DMRT1: variants seen among roughly 807,000 people sequenced by gnomAD.
DMRT1 encodes doublesex and mab-3 related transcription factor 1, also known as doublesex- and mab-3-related transcription factor 1.
A neutral mutation model predicts 32.3 loss-of-function variants in DMRT1; 7 were observed. The ratio of observed to expected loss-of-function variants is 0.22; its 90% CI spans 0.12 to 0.41. DMRT1 has a LOEUF of 0.41. Ranked by LOEUF, DMRT1 falls within the 10% of genes least tolerant of loss-of-function variation. The probability of loss-of-function intolerance (pLI) is 1.00; values close to 1 mark genes in which losing one functional copy is unlikely to be tolerated. For synonymous variants in DMRT1, 278 were observed against 206.1 expected (o/e 1.35, Z -2.99); for missense variants, 625 against 500.5 (o/e 1.25, Z -2.37).
chr9:865,455 T>A lies in DMRT1; in HGVS notation c.538+18312T>A, dbSNP rs183005671. On this transcript the variant is annotated intron_variant, in intron 2 of 4. Transcript: ENST00000382276. Reference sequence around the variant, plus strand: ...TGTATGGTACTTAATTTTTCATAAATATATATGATATATATGAAATATAAG... The same window carrying A: ...TGTATGGTACTTAATTTTTCATAAAAATATATGATATATATGAAATATAAG... Among the ~76,000 whole-genome samples the A allele has an allele frequency of 4.8e-4, 73 of 152,086 alleles. 1 individual carries two copies. The East Asian group carries it at 0.013, about 28-fold the overall frequency.
chr9:851,515 G>T (rs909810323), intron 2 of DMRT1, among the ~76,000 whole-genome samples: 1 of 152,164 alleles, frequency 6.6e-6, no homozygotes, highest in Admixed American at 6.6e-5. Flanking sequence ...TGGGATTACA[G>T]GCGTGAGCCA....
chr9:900,869 T>C (rs1817546579), intron 3 of DMRT1, among the ~76,000 whole-genome samples: 1 of 151,780 alleles, frequency 6.6e-6, no homozygotes, highest in Non-Finnish European at 1.5e-5. Context: ...AAAAAACTTT[T>C]TTTGTAGAGA....
chr9:869,638 G>C (rs941811845), intron 2 of DMRT1, among the ~76,000 whole-genome samples: 2 of 151,934 alleles, frequency 1.3e-5, no homozygotes, highest in South Asian at 4.2e-4. Context: ...TGTTCTCTTT[G>C]ATCTTTTATA....
chr9:860,168 A>T (rs1490036133), intron 2 of DMRT1, among the ~76,000 whole-genome samples: 2 of 152,094 alleles, frequency 1.3e-5, no homozygotes, highest in African/African-American at 4.8e-5. Flanking sequence ...GTGGTGGCGC[A>T]TGCCTGTAGT....
At chr9:900,282 G>A (rs1344440753) in intron 3 of DMRT1, among the ~76,000 whole-genome samples, 1 of 152,200 alleles carries the variant, frequency 6.6e-6, no homozygotes, top group Non-Finnish European at 1.5e-5. Flanking sequence ...GAGGGTGGAA[G>A]GGTTGGGAAG....
intron 1 of DMRT1, among the ~76,000 whole-genome samples, chr9:845,240 T>C (rs1476453417): frequency 1.3e-5 from 2 of 151,722 alleles, no homozygotes; most frequent in African/African-American, 4.8e-5. Context: ...GACGGAGTCT[T>C]GCTCCATTGC....
intron 2 of DMRT1, among the ~76,000 whole-genome samples, chr9:863,335 AAAG>A (rs1293854642): frequency 6.6e-6 from 1 of 150,770 alleles, no homozygotes; most frequent in East Asian, 1.9e-4. Context: ...AAAAAAAAAA[AAAG>A]GGCAGGGGAA....
intron 4 of DMRT1, among the ~76,000 whole-genome samples, chr9:949,594 C>G (rs1819364323): frequency 6.6e-6 from 1 of 152,156 alleles, no homozygotes; most frequent in African/African-American, 2.4e-5. Flanking sequence ...TGACATAAGA[C>G]CTACCCTCTT....
chr9:908,126 A>G (rs1368531735), intron 3 of DMRT1, among the ~76,000 whole-genome samples: 2 of 152,204 alleles, frequency 1.3e-5, no homozygotes, highest in African/African-American at 4.8e-5. Context: ...TAATCCTGAT[A>G]TCCTATGGGG....
At chr9:932,952 A>G (rs1406951990) in intron 4 of DMRT1, among the ~76,000 whole-genome samples, 1 of 151,210 alleles carries the variant, frequency 6.6e-6, no homozygotes. Flanking sequence ...TTGCTCTGTC[A>G]CCCAGGCTGG....
chr9:849,850 T>G (rs2017751), intron 2 of DMRT1, among the ~76,000 whole-genome samples: 1 of 151,214 alleles, frequency 6.6e-6, no homozygotes, highest in Admixed American at 6.6e-5. Flanking sequence ...TGAGACAGAG[T>G]TTTGCTCTTG....
chr9:939,884 T>G (rs556503363), intron 4 of DMRT1, among the ~76,000 whole-genome samples: 118 of 152,214 alleles, frequency 7.8e-4, no homozygotes, highest in South Asian at 1.5e-3. Flanking sequence ...TTTGCCCAAT[T>G]TAAAAATGGG....
At chr9:870,140 G>A (rs1158928798) in intron 2 of DMRT1, among the ~76,000 whole-genome samples, 5 of 152,222 alleles carry the variant, frequency 3.3e-5, no homozygotes, top group Non-Finnish European at 4.4e-5. Flanking sequence ...GCTCACGCCT[G>A]TAATCGCAAT....
At chr9:873,338 G>C (rs375323271) in intron 2 of DMRT1, among the ~76,000 whole-genome samples, 10 of 149,830 alleles carry the variant, frequency 6.7e-5, no homozygotes, top group Non-Finnish European at 1.5e-4. Flanking sequence ...GGAGTTTTGC[G>C]CTTGTTGCCC....
chr9:922,540 C>A (rs954563151), intron 4 of DMRT1, among the ~76,000 whole-genome samples: 1 of 152,204 alleles, frequency 6.6e-6, no homozygotes, highest in Non-Finnish European at 1.5e-5. Flanking sequence ...TCGTTCTCTG[C>A]ATGTTGAATT....
At position 967,969 on chromosome 9, in the gene DMRT1, T is replaced by TTTCTCTCC. The variant is rs376062302; in HGVS notation, c.968-16_968-15insTTCTCTCC. 1 of 1,612,894 alleles carries TTTCTCTCC rather than the reference T, an allele frequency of 6.2e-7. No homozygotes were observed. The highest frequency in any genetic ancestry group is 1.3e-5 in the African/African-American group (1 of 74,882). On this transcript the variant is annotated splice_polypyrimidine_tract_variant and intron_variant, in intron 4 of 4. Coordinates refer to ENST00000382276, the MANE Select transcript of DMRT1 (RefSeq NM_021951.3). ...CTTTCTCCCTTTCTCTCTTTCTCTC[T>TTTCTCTCC]CACCTCACTTCGCAGTATTCTCGCC...
intron 2 of DMRT1, among the ~76,000 whole-genome samples, chr9:887,505 A>C (rs1816977543): frequency 6.6e-6 from 1 of 152,026 alleles, no homozygotes; most frequent in African/African-American, 2.4e-5. Flanking sequence ...TCAGCAATTA[A>C]CTCCAGCATA....
chr9:861,482 A>C (rs10977178), intron 2 of DMRT1, among the ~76,000 whole-genome samples: 2 of 152,088 alleles, frequency 1.3e-5, no homozygotes, highest in African/African-American at 4.8e-5. Context: ...CACAGACACA[A>C]TAACAATCTG....
intron 2 of DMRT1, among the ~76,000 whole-genome samples, chr9:878,754 A>C (rs1589490923): frequency 6.6e-6 from 1 of 152,314 alleles, no homozygotes; most frequent in East Asian, 1.9e-4. Context: ...GATAACAATA[A>C]TAGCTAACAT....
Sources: allele counts gnomAD v4.1 joint callset (sites outside exome capture counted in the v4.1 genomes callset), GRCh38; gene constraint gnomAD v4.1.1; transcripts MANE v1.5; gene names NCBI Gene and HGNC (gene_info 2026-07-23, HGNC 2026-07-21).